PAX6: variants seen among roughly 807,000 people sequenced by gnomAD.
PAX6 encodes paired box protein Pax-6.
PAX6 carries 7 observed loss-of-function variants against 60.7 expected under a neutral mutation model. That is an observed-to-expected ratio of 0.12 (90% confidence interval 0.07 to 0.22). The LOEUF (loss-of-function observed/expected upper bound fraction) is 0.22. Ranked by LOEUF, PAX6 falls within the 10% of genes least tolerant of loss-of-function variation. The pLI is 1.00. For synonymous variants in PAX6, 208 were observed against 201.2 expected (o/e 1.03, Z -0.29); for missense variants, 355 against 555.2 (o/e 0.64, Z 3.62).
chr11:31,808,679 C>T (rs1956406834), intron 2 of PAX6: 1 of 151,960 alleles, frequency 6.6e-6, no homozygotes, highest in Admixed American at 6.6e-5. Flanking sequence ...AAAGAGGCCT[C>T]GTTGATTAGT....
At chr11:31,815,463 G>C (rs1377776652), upstream of PAX6, among the ~76,000 whole-genome samples, 1 of 152,028 alleles carries the variant, frequency 6.6e-6, no homozygotes, top group Non-Finnish European at 1.5e-5. Context: ...GATTTGTCCC[G>C]TTGTAGACCT....
chr11:31,789,469 A>T lies in PAX6; in HGVS notation c.*465T>A. 2.0e-6 allele frequency: 1 copy of T among 491,998 alleles called. No homozygotes were observed. The highest frequency in any genetic ancestry group is 3.6e-6 in the Non-Finnish European group (1 of 281,646). 30.5% of individuals were successfully genotyped at this position (491,998 alleles called of 1,614,324 possible). ...AATTATATGCAAAGGAATGATACAAACTTGGAACATCAGTCCATAAACTAT... is the reference window on the plus strand; with the variant it reads ...AATTATATGCAAAGGAATGATACAATCTTGGAACATCAGTCCATAAACTAT... On this transcript the variant is annotated 3_prime_UTR_variant, in exon 14 of 14. Transcript: ENST00000640368.
rs1951017993 is a variant in PAX6 at position 31,794,807 on chromosome 11, G to T, written c.566-19C>A. On this transcript the variant is annotated intron_variant, in intron 8 of 13. Transcript: ENST00000640368. ...CAGCCATCTGGAACAAAAAGAATAG[G>T]ATGGTAAGAGAAATTTGGATTAACT... is the stretch of plus-strand genomic sequence containing the variant. 1 of 1,613,824 alleles carries T rather than the reference G, an allele frequency of 6.2e-7. No homozygotes were observed. The highest frequency in any genetic ancestry group is 1.3e-5 in the African/African-American group (1 of 75,024).
intron 4 of PAX6, chr11:31,806,083 C>T (rs1275644306): frequency 4.7e-6 from 2 of 424,478 alleles, no homozygotes. Context: ...TCTCCGGGGT[C>T]AGAGCCCGGG....
chr11:31,802,221 T>C (rs150129545), intron 5 of PAX6: 3 of 405,546 alleles, frequency 7.4e-6, no homozygotes, highest in Admixed American at 4.3e-5. Flanking sequence ...AAATACTCAA[T>C]TGAGTAAATG....
chr11:31,797,709 T>C (rs1362532708), intron 8 of PAX6, among the ~76,000 whole-genome samples: 2 of 152,138 alleles, frequency 1.3e-5, no homozygotes, highest in African/African-American at 2.4e-5. Flanking sequence ...TTCCCCCCAC[T>C]TTAGTGGATT....
At chr11:31,816,497 C>T (rs1443138304) in intron 1 of PAX6, 1 of 701,854 alleles carries the variant, frequency 1.4e-6, no homozygotes, top group South Asian at 1.5e-5. Context: ...CAATAAACAT[C>T]TCTAATGAGG....
At chr11:31,809,690 A>G (rs1380230586) in intron 2 of PAX6, 1 of 152,226 alleles carries the variant, frequency 6.6e-6, no homozygotes, top group African/African-American at 2.4e-5. Flanking sequence ...AAAGCTCTCA[A>G]ATTACTCCGA....
intron 2 of PAX6, chr11:31,808,048 T>C (rs775450775): frequency 1.3e-5 from 2 of 152,140 alleles, no homozygotes; most frequent in Admixed American, 6.5e-5. Context: ...GGGAGCTCAA[T>C]TGGGAAGAGA....
intron 8 of PAX6, among the ~76,000 whole-genome samples, chr11:31,796,713 A>T (rs1951681247): frequency 1.3e-5 from 2 of 152,172 alleles, no homozygotes; most frequent in South Asian, 4.1e-4. Context: ...TAGAGGCTAG[A>T]AAGGTATTTT....
upstream of PAX6, chr11:31,814,414 A>C (rs1957274877): frequency 6.6e-6 from 1 of 152,160 alleles, no homozygotes; most frequent in African/African-American, 2.4e-5. Context: ...TTCTGGGGGG[A>C]AGTGCCTCCA....
At chr11:31,794,395 A>T (rs1950790541) in intron 9 of PAX6, 1 of 603,154 alleles carries the variant, frequency 1.7e-6, no homozygotes, top group African/African-American at 1.9e-5. Context: ...CTGGTAGATG[A>T]AAAGAAGAAA....
chr11:31,794,674 T>C lies in PAX6; in HGVS notation c.680A>G (p.Asn227Ser). 2 of 1,614,260 alleles carry C rather than the reference T, an allele frequency of 1.2e-6. No homozygotes were observed. Among genetic ancestry groups the C allele is most frequent in the Non-Finnish European group, 1.7e-6 (2 of 1,180,052 alleles). Residue 227 changes from asparagine (N) to serine (S), a missense_variant, in exon 9 of 14, where the codon AAT becomes AGT. By Grantham distance (46) the Asn-to-Ser change is conservative. Coordinates refer to ENST00000640368, the MANE Select transcript of PAX6 (RefSeq NM_001368894.2). Reference protein sequence around the residue: ...RLQLKRKLQRNRTSFTQEQIE... With the variant: ...RLQLKRKLQRSRTSFTQEQIE... ...TTGCTCTTGGGTAAAGGATGTTCTA[T>C]TTCTTTGCAGCTTCCGCTTCAGCTG...
chr11:31,801,421 C>A, intron 7 of PAX6, 140 bp downstream of exon 7: 1 of 1,544,856 alleles, frequency 6.5e-7, no homozygotes, highest in East Asian at 2.4e-5. Flanking sequence ...CCTCTCTGTT[C>A]CCCCAGGTAC....
At chr11:31,817,817 G>T (rs1293182760) in exon 1 of PAX6, 1 of 152,638 alleles carries the variant, frequency 6.6e-6, no homozygotes. Context: ...ACCTGGGAGC[G>T]GAGGGCGGGG....
chr11:31,808,638 C>A (rs1956398992), intron 2 of PAX6: 3 of 142,802 alleles, frequency 2.1e-5, no homozygotes, highest in Admixed American at 6.9e-5. Flanking sequence ...CTTCTTGATA[C>A]CATTTTTTTT....
intron 5 of PAX6, chr11:31,802,434 A>G (rs1954308302): frequency 4.3e-6 from 2 of 459,918 alleles, no homozygotes; most frequent in East Asian, 3.8e-5. Context: ...ATAAAAAGAG[A>G]AAGATTTTTT....
chr11:31,807,367 G>A (rs1253630058), intron 2 of PAX6: 1 of 152,172 alleles, frequency 6.6e-6, no homozygotes, highest in African/African-American at 2.4e-5. Context: ...AGTTTGGGAG[G>A]GCTGCAGGGC....
intron 12 of PAX6, chr11:31,792,581 G>A (rs1206810251): frequency 6.5e-6 from 1 of 152,702 alleles, no homozygotes; most frequent in Non-Finnish European, 1.5e-5. Flanking sequence ...GGAGTTCTAG[G>A]AAAACCACTG....
Sources: gnomAD v4.1 joint callset for allele counts (sites outside exome capture counted in the v4.1 genomes callset) on GRCh38, gnomAD v4.1.1 for gene constraint, MANE v1.5 for transcripts, NCBI Gene and HGNC (gene_info 2026-07-23, HGNC 2026-07-21) for gene names.